DHRSX: variants seen among roughly 807,000 people sequenced by gnomAD.
DHRSX encodes polyprenol dehydrogenase.
Under a neutral mutation model 34.0 loss-of-function variants are expected in DHRSX, and 31 were observed. The ratio of observed to expected loss-of-function variants is 0.91; its 90% CI spans 0.69 to 1.23. The LOEUF (loss-of-function observed/expected upper bound fraction) is 1.23, where lower values mean the gene tolerates loss of function less well. DHRSX is among the 50% of genes most tolerant of loss of function. The pLI is 0.00. For missense variants in DHRSX, 414 were observed against 428.1 expected, an observed-to-expected ratio of 0.97 and a Z score of 0.29; for synonymous variants, 201 against 183.8, an observed-to-expected ratio of 1.09 and a Z score of -0.76.
chrX:2,266,857 T>C lies in DHRSX; in HGVS notation c.479A>G (p.Asn160Ser), dbSNP rs752246182. Residue 160 changes from asparagine to serine, a missense_variant, in exon 5 of 7, where the codon AAC becomes AGC. By Grantham distance (46) the Asn-to-Ser change is conservative. Transcript: ENST00000334651. ...LNYLGHFLLT[N>S]LLLDTLKESG... The stretch of plus-strand genomic sequence containing the variant: ...CTCTTTCAGCGTATCCAAGAGAAGG[T>C]TGGTCAGCAGGAAGTGCCCTAGGTA... 2.5e-5 allele frequency: 40 copies of C among 1,613,764 alleles called. No homozygotes were observed. The highest frequency in any genetic ancestry group is 6.7e-5 in the African/African-American group (5 of 74,900).
At chrX:2,293,957 C>A (rs755071234) in intron 3 of DHRSX, among the ~76,000 whole-genome samples, 1 of 152,032 alleles carries the variant, frequency 6.6e-6, no homozygotes, top group Admixed American at 6.6e-5. Flanking sequence ...GAATGCTCAT[C>A]ATCATTCCAA....
intron 1 of DHRSX, among the ~76,000 whole-genome samples, chrX:2,484,449 A>T (rs1029684396): frequency 2.2e-4 from 34 of 152,252 alleles, no homozygotes; most frequent in Non-Finnish European, 4.4e-4. Context: ...CGCAGCTAGG[A>T]AGGAGCCTGG....
At chrX:2,283,931 C>T (rs772019325) in intron 4 of DHRSX, among the ~76,000 whole-genome samples, 3 of 20,866 alleles carry the variant, frequency 1.4e-4, no homozygotes, top group African/African-American at 3.0e-4. Context: ...TTTGAATTCA[C>T]TCATTCCTTT....
At chrX:2,460,514 G>A (rs867753622) in intron 1 of DHRSX, among the ~76,000 whole-genome samples, 217 of 148,846 alleles carry the variant, frequency 1.5e-3, no homozygotes, top group South Asian at 3.8e-3. Flanking sequence ...GCCTCCTTGG[G>A]CTCAAGCGAT....
chrX:2,291,871 G>A (rs1323052830), intron 3 of DHRSX, among the ~76,000 whole-genome samples: 1 of 150,426 alleles, frequency 6.6e-6, no homozygotes, highest in Non-Finnish European at 1.5e-5. Flanking sequence ...ATGCCACCAG[G>A]CCCAGCTAAT....
intron 3 of DHRSX, among the ~76,000 whole-genome samples, chrX:2,339,612 T>C (rs2042615612): frequency 6.6e-6 from 1 of 152,086 alleles, no homozygotes; most frequent in Non-Finnish European, 1.5e-5. Context: ...ATAGCTTAGC[T>C]TCCACGTATC....
At chrX:2,334,967 G>T (rs1286478885) in intron 3 of DHRSX, 1 of 151,954 alleles carries the variant, frequency 6.6e-6, no homozygotes, top group Non-Finnish European at 1.5e-5. Context: ...ATTGTCTGAG[G>T]TCAGGAGCTC....
At chrX:2,341,911 T>C (rs2042645565) in intron 3 of DHRSX, among the ~76,000 whole-genome samples, 1 of 152,032 alleles carries the variant, frequency 6.6e-6, no homozygotes, top group Admixed American at 6.6e-5. Context: ...TTCAAGTAAC[T>C]CTCCTGCCTT....
chrX:2,303,899 A>AG (rs1569485766), intron 3 of DHRSX, among the ~76,000 whole-genome samples: 3 of 60,444 alleles, frequency 5.0e-5, no homozygotes, highest in African/African-American at 1.9e-4. Flanking sequence ...ATGGATGGAT[A>AG]AATGGATGGA....
chrX:2,378,017 C>T (rs936458540), intron 3 of DHRSX, among the ~76,000 whole-genome samples: 11 of 152,142 alleles, frequency 7.2e-5, no homozygotes, highest in Non-Finnish European at 1.0e-4. Context: ...GGATAACAGG[C>T]ATGAGCCACT....
At chrX:2,314,475 A>AAGGAAGGAAGGG (rs2042216131) in intron 3 of DHRSX, among the ~76,000 whole-genome samples, 1 of 65,826 alleles carries the variant, frequency 1.5e-5, no homozygotes, top group African/African-American at 1.1e-4. Context: ...GGGGAGAAGG[A>AAGGAAGGAAGGG]AGGAAGGAAG....
At chrX:2,432,268 C>T (rs184912631) in intron 1 of DHRSX, among the ~76,000 whole-genome samples, 1 of 152,066 alleles carries the variant, frequency 6.6e-6, no homozygotes, top group African/African-American at 2.4e-5. Flanking sequence ...CTGATACAAT[C>T]CTAAAGGTGT....
At chrX:2,322,904 G>A (rs1234939203) in intron 3 of DHRSX, among the ~76,000 whole-genome samples, 1 of 152,002 alleles carries the variant, frequency 6.6e-6, no homozygotes, top group African/African-American at 2.4e-5. Flanking sequence ...TTGTTCAAGG[G>A]TCAACTCTAG....
chrX:2,408,333 C>T (rs889608747), intron 3 of DHRSX, among the ~76,000 whole-genome samples: 3 of 152,082 alleles, frequency 2.0e-5, no homozygotes, highest in African/African-American at 7.2e-5. Context: ...CTCAGCCTCC[C>T]AAAGTGCTGG....
At chrX:2,351,166 G>A (rs182371780) in intron 3 of DHRSX, among the ~76,000 whole-genome samples, 2 of 152,266 alleles carry the variant, frequency 1.3e-5, no homozygotes, top group South Asian at 2.1e-4. Context: ...GTTGATAGGC[G>A]CAGCAAACCA....
At chrX:2,398,093 G>A (rs2043437330) in intron 3 of DHRSX, among the ~76,000 whole-genome samples, 3 of 152,138 alleles carry the variant, frequency 2.0e-5, no homozygotes, top group Admixed American at 6.5e-5. Flanking sequence ...GATGAGTTGC[G>A]GAAGGGGGCT....
intron 3 of DHRSX, among the ~76,000 whole-genome samples, chrX:2,406,692 C>T (rs1269675349): frequency 5.9e-5 from 9 of 152,118 alleles, no homozygotes; most frequent in African/African-American, 1.9e-4. Context: ...CCACCCGCCT[C>T]GGCCTCCCAA....
chrX:2,411,299 T>C (rs983128640), intron 2 of DHRSX, among the ~76,000 whole-genome samples: 5 of 151,878 alleles, frequency 3.3e-5, no homozygotes, highest in Non-Finnish European at 5.9e-5. Context: ...ATCTCAGCCC[T>C]TTGGGATTTG....
chrX:2,353,309 C>T (rs2042809847), intron 3 of DHRSX, among the ~76,000 whole-genome samples: 1 of 152,090 alleles, frequency 6.6e-6, no homozygotes, highest in Admixed American at 6.6e-5. Flanking sequence ...AAGAAACCTT[C>T]AACCCCCTAG....
Sources: gnomAD v4.1 joint callset for allele counts (sites outside exome capture counted in the v4.1 genomes callset) on GRCh38, gnomAD v4.1.1 for gene constraint, MANE v1.5 for transcripts, NCBI Gene and HGNC (gene_info 2026-07-23, HGNC 2026-07-21) for gene names.